The following HSPG2 variants were observed in gnomAD, a reference collection of about 807,000 sequenced individuals.
HSPG2 encodes the protein basement membrane-specific heparan sulfate proteoglycan core protein.
A neutral mutation model predicts 526.6 loss-of-function variants in HSPG2; 278 were observed. The ratio of observed to expected loss-of-function variants is 0.53; its 90% confidence interval spans 0.48 to 0.58. The LOEUF is 0.58. HSPG2 is among the 20% of genes least tolerant of loss of function. The pLI is 0.00. For missense variants in HSPG2, 5,354 were observed against 6,099.5 expected (o/e 0.88, Z 4.07); for synonymous variants, 2,465 against 2,555.4 (o/e 0.96, Z 1.07).
At chr1:21,877,483 T>C (rs923819574) in intron 21 of HSPG2, 1 of 149,450 alleles carries the variant, frequency 6.7e-6, no homozygotes, top group Non-Finnish European at 1.5e-5. Context: ...CACCGACACT[T>C]GATACTCACA....
Position 21,885,751 on chromosome 1 carries a change from C to T in HSPG2, c.1079-300G>A, listed in dbSNP as rs2497632. On this transcript the variant is annotated intron_variant, in intron 9 of 96. Transcript: ENST00000374695. ...CCAGCCACGCTCAGAGGCACAGAAG[C>T]GCTATCTTGCTCACATGGACAAGAC... is the stretch of plus-strand genomic sequence containing the variant. Among the ~76,000 whole-genome samples the T allele has an allele frequency of 0.54, 82,011 of 152,106 alleles. 24,027 individuals are homozygous for T. The highest frequency in any genetic ancestry group is 0.73 in the Middle Eastern group (213 of 292).
In HSPG2 at chr1:21,864,202, G is replaced by T. The variant is rs777118903; in HGVS notation, c.4638C>A (p.Pro1546=). 1.9e-6 allele frequency: 3 copies of T among 1,551,722 alleles called. No individual in the cohort carries two copies. Among genetic ancestry groups the T allele is most frequent in the African/African-American group, 1.4e-5 (1 of 73,178 alleles). The change falls in exon 37 of 97, where the codon CCC becomes CCA. Residue 1546 remains proline (P), a synonymous_variant. Transcript: ENST00000374695. This position sits in a 1 kb window ranked among gnomAD's most constrained non-coding sequence, Gnocchi z 4.8. ...YIGLSCQDCA[P]GYTRTGSGLY... The stretch of plus-strand genomic sequence containing the variant: ...GCCCACTCCCGGTGCGCGTGTAGCC[G>T]GGGGCACAGTCCTAGGGGCAGAGAG...
At chr1:21,836,501 T>G (rs1232515668) in intron 75 of HSPG2, among the ~76,000 whole-genome samples, 1 of 152,188 alleles carries the variant, frequency 6.6e-6, no homozygotes, top group Admixed American at 6.5e-5. Context: ...TTTTGTATTT[T>G]TAGTAGAGGC....
intron 1 of HSPG2, among the ~76,000 whole-genome samples, chr1:21,928,243 A>G (rs990487079): frequency 6.6e-6 from 1 of 152,222 alleles, no homozygotes; most frequent in Non-Finnish European, 1.5e-5. Context: ...ACCAATGAGG[A>G]CACAGACAAG....
At chr1:21,914,998 TC>T (rs1557826407) in intron 1 of HSPG2, among the ~76,000 whole-genome samples, 2 of 152,120 alleles carry the variant, frequency 1.3e-5, no homozygotes, top group African/African-American at 2.4e-5. Flanking sequence ...GTGTCAGACG[TC>T]CCTCACCCCC....
rs375555640 is a variant in HSPG2 at position 21,886,648 on chromosome 1, C to T, written c.1078+567G>A. Among the ~76,000 whole-genome samples the T allele has an allele frequency of 5.9e-5, 9 of 152,114 alleles. No homozygotes were observed. The East Asian group carries it at 9.7e-4, about 16-fold the overall frequency. ...TGTCCATGACTGGAAAAGATGGATA[C>T]CACAAGGGTGGGGAAGTGGGAGGCT... is the stretch of plus-strand genomic sequence containing the variant. On this transcript the variant is annotated intron_variant, in intron 9 of 96. Transcript: ENST00000374695.
At chr1:21,850,309 T>TG in intron 56 of HSPG2, 54 bp downstream of exon 56, 1 of 1,604,428 alleles carries the variant, frequency 6.2e-7, no homozygotes, top group Non-Finnish European at 8.5e-7. Context: ...GTTGCAAGAG[T>TG]GGGGGGCCTC....
chr1:21,828,480 G>C lies in HSPG2; in HGVS notation c.12238-54C>G. The C allele has an allele frequency of 6.3e-7, 1 of 1,576,690 alleles. No individual in the cohort carries two copies. Among genetic ancestry groups the C allele is most frequent in the Middle Eastern group, 1.7e-4 (1 of 5,980 alleles). ...AAGGGGCCTGGGAGGCAGAGACCCA[G>C]GTGTACCAGCAGGGAGAAGAATGCA... is the stretch of plus-strand genomic sequence containing the variant. On this transcript the variant is annotated intron_variant, in intron 88 of 96. Transcript: ENST00000374695. This position sits in a 1 kb window ranked among gnomAD's most constrained non-coding sequence, Gnocchi z 6.0.
At position 21,852,988 on chromosome 1, in the gene HSPG2, C is replaced by T. The variant is rs764461747; in HGVS notation, c.6522G>A (p.Val2174=). ...AEGQTLDLNC[V]VPGQAHAQVT... ...CCTGGGCGTGGGCCTGCCCGGGCAC[C>T]ACGCAGTTCAGATCCAGGGTCTGCC... The change falls in exon 51 of 97, where the codon GTG becomes GTA. Residue 2174 remains valine, a synonymous_variant. Transcript: ENST00000374695. The T allele has an allele frequency of 2.2e-5, 35 of 1,613,700 alleles. 1 individual carries two copies. The South Asian group carries it at 3.7e-4, about 17-fold the overall frequency.
chr1:21,888,269 C>A (rs1430854064), intron 6 of HSPG2, among the ~76,000 whole-genome samples: 2 of 152,184 alleles, frequency 1.3e-5, no homozygotes, highest in African/African-American at 4.8e-5. Flanking sequence ...TGGCCTCCCC[C>A]ATCTCTAAAA....
chr1:21,870,700 T>C (rs1299373687), intron 33 of HSPG2: 2 of 415,154 alleles, frequency 4.8e-6, no homozygotes, highest in Non-Finnish European at 6.5e-6. Flanking sequence ...CCTGGGGTCA[T>C]GGGACACCGC....
chr1:21,847,014 GATA>G lies in HSPG2; in HGVS notation c.8164+337_8164+339del, dbSNP rs922552488. On this transcript the variant is annotated intron_variant, in intron 62 of 96. Transcript: ENST00000374695. The surrounding 1 kb of genome is among the most constrained non-coding windows in gnomAD (Gnocchi z 4.1). ...GACTCCCTCTCAAAAAAAAAAAAAT[GATA>G]ATAATAGTTAACACTTATAAAGCAC... is the stretch of plus-strand genomic sequence containing the variant. 2.0e-5 allele frequency among the ~76,000 whole-genome samples: 3 copies of G among 151,716 alleles called. No individual in the cohort carries two copies. Among genetic ancestry groups the G allele is most frequent in the Non-Finnish European group, 2.9e-5 (2 of 67,942 alleles).
chr1:21,933,919 C>A (rs942055584), intron 1 of HSPG2, among the ~76,000 whole-genome samples: 1 of 152,218 alleles, frequency 6.6e-6, no homozygotes, highest in Non-Finnish European at 1.5e-5. Context: ...TGGCAGCCTC[C>A]CCAGTGAGGA....
intron 37 of HSPG2, among the ~76,000 whole-genome samples, chr1:21,863,813 CT>C (rs1279850927): frequency 1.3e-5 from 2 of 152,062 alleles, no homozygotes; most frequent in Non-Finnish European, 2.9e-5. Context: ...TTAAGACCTT[CT>C]GAGCAACAAA....
At position 21,887,236 on chromosome 1, in the gene HSPG2, G is replaced by T. The variant is rs1162361220; in HGVS notation, c.1057C>A (p.Arg353=). ...TCACGGCAGTTGGCTTCATCAGTTC[G>T]GTCCTCACAGTCAAAGTCACCATCG... ...RCDGDFDCED[R]TDEANCPTKR... is the part of the protein sequence containing the mutation. The change falls in exon 9 of 97, where the codon CGA becomes AGA. Residue 353 remains arginine (R), a synonymous_variant. Transcript: ENST00000374695. The surrounding 1 kb of genome is among the most constrained non-coding windows in gnomAD (Gnocchi z 5.0). 4 of 1,613,550 alleles carry T rather than the reference G, an allele frequency of 2.5e-6. No homozygotes were observed. The highest frequency in any genetic ancestry group is 2.2e-5 in the South Asian group (2 of 91,068).
Position 21,833,114 on chromosome 1 carries a change from T to G in HSPG2, c.11095+154A>C, listed in dbSNP as rs549332579. The G allele has an allele frequency of 9.0e-4, 640 of 712,128 alleles. 6 individuals carry two copies. The highest frequency in any genetic ancestry group is 8.2e-3 in the South Asian group (547 of 67,034). The allele number at this position is 712,128 out of a possible 1,614,324, so 44.1% of individuals were successfully genotyped here. A position where few individuals can be genotyped will look rare whatever the true frequency, so the allele number is the denominator to read the frequency against. On this transcript the variant is annotated intron_variant, in intron 80 of 96. Transcript: ENST00000374695. ...AGGCACAAGAGAAGGCACACCAGGGTGGAGGCCCAGAGGTCTGGGGGCTTC... is the reference window on the plus strand; with the variant it reads ...AGGCACAAGAGAAGGCACACCAGGGGGGAGGCCCAGAGGTCTGGGGGCTTC...
chr1:21,897,769 G>GAA (rs1218629201), intron 1 of HSPG2, among the ~76,000 whole-genome samples: 1 of 152,148 alleles, frequency 6.6e-6, no homozygotes, highest in East Asian at 1.9e-4. Flanking sequence ...GGGTGACTGG[G>GAA]AAGGGGGCAC....
rs768569958 is a variant in HSPG2 at position 21,854,769 on chromosome 1, G to A, written c.6134-4C>T. The stretch of plus-strand genomic sequence containing the variant: ...GGCGGTGGGCTGGCATCTGAGGCTG[G>A]GGCCAGAGTAGGGGTCAGCAGGCCC... On this transcript the variant is annotated splice_region_variant and splice_polypyrimidine_tract_variant and intron_variant, in intron 48 of 96. Transcript: ENST00000374695. 6.8e-5 allele frequency: 110 copies of A among 1,613,488 alleles called. No homozygotes were observed. The highest frequency in any genetic ancestry group is 1.9e-4 in the South Asian group (17 of 90,982).
At position 21,893,881 on chromosome 1, in the gene HSPG2, A is replaced by C. The variant is rs1642553356; in HGVS notation, c.244+2041T>G. 6.6e-6 allele frequency among the ~76,000 whole-genome samples: 1 copy of C among 151,758 alleles called. No homozygotes were observed. The highest frequency in any genetic ancestry group is 2.4e-5 in the African/African-American group (1 of 41,326). Reference sequence around the variant, plus strand: ...AAAAGGCAGAGGGAAAAAGAAAAAAAAAAAAGAACAGGCAGAGGGGAGAGA... The same window carrying C: ...AAAAGGCAGAGGGAAAAAGAAAAAACAAAAAGAACAGGCAGAGGGGAGAGA... On this transcript the variant is annotated intron_variant, in intron 3 of 96. Coordinates refer to ENST00000374695, the MANE Select transcript of HSPG2 (RefSeq NM_005529.7). The surrounding 1 kb of genome is among the most constrained non-coding windows in gnomAD (Gnocchi z 4.3).
Sources: gnomAD v4.1 joint callset for allele counts (sites outside exome capture counted in the v4.1 genomes callset) on GRCh38, gnomAD v4.1.1 for gene constraint, Gnocchi (gnomAD v3.1) non-coding constraint, MANE v1.5 for transcripts, NCBI Gene and HGNC (gene_info 2026-07-23, HGNC 2026-07-21) for gene names.